FAM193A: variants seen among roughly 807,000 people sequenced by gnomAD.
FAM193A encodes the protein family with sequence similarity 193 member A.
In FAM193A, 22 loss-of-function variants were observed where a neutral mutation model predicts 126.5. That is an observed-to-expected ratio of 0.17 (90% confidence interval 0.12 to 0.25). The LOEUF (loss-of-function observed/expected upper bound fraction) is 0.25, where lower values mean the gene tolerates loss of function less well. Among genes scored for constraint, FAM193A ranks in the 10% least tolerant of loss-of-function variants. The pLI is 1.00. For missense variants in FAM193A, 1,675 were observed against 1,672.8 expected (o/e 1.00, Z -0.02); for synonymous variants, 761 against 646.8 (o/e 1.18, Z -2.68).
At chr4:2,591,250 A>G (rs1328721817) in intron 1 of FAM193A, among the ~76,000 whole-genome samples, 2 of 152,174 alleles carry the variant, frequency 1.3e-5, no homozygotes, top group Non-Finnish European at 2.9e-5. Context: ...AAAGCCACAT[A>G]GTTGGTTGGG....
chr4:2,718,688 C>T (rs761947792), intron 20 of FAM193A, among the ~76,000 whole-genome samples: 19 of 152,158 alleles, frequency 1.2e-4, no homozygotes, highest in Middle Eastern at 6.8e-3. Flanking sequence ...GATTGTGCAT[C>T]TACCCTCCAA....
chr4:2,540,063 A>T (rs1238232625), intron 1 of FAM193A, among the ~76,000 whole-genome samples: 1 of 151,362 alleles, frequency 6.6e-6, no homozygotes, highest in East Asian at 2.0e-4. Flanking sequence ...GGTTGCAGTG[A>T]GCTGAGATCT....
chr4:2,579,835 G>A (rs1317034744), intron 1 of FAM193A, among the ~76,000 whole-genome samples: 1 of 152,198 alleles, frequency 6.6e-6, no homozygotes, highest in Non-Finnish European at 1.5e-5. Flanking sequence ...TGGTGCGAGT[G>A]TAAATTAGTT....
chr4:2,642,643 A>T (rs1744750131), intron 6 of FAM193A, among the ~76,000 whole-genome samples: 1 of 152,094 alleles, frequency 6.6e-6, no homozygotes, highest in East Asian at 1.9e-4. Flanking sequence ...CTTAAAAAAA[A>T]ATATTTTACT....
chr4:2,705,464 CT>C (rs11403387), intron 19 of FAM193A, among the ~76,000 whole-genome samples: 7 of 149,688 alleles, frequency 4.7e-5, no homozygotes, highest in African/African-American at 1.7e-4. Flanking sequence ...TGTGTAGTTT[CT>C]TTTTTTTTCA....
At chr4:2,656,831 A>G (rs750838387) in intron 7 of FAM193A, among the ~76,000 whole-genome samples, 6 of 152,250 alleles carry the variant, frequency 3.9e-5, no homozygotes, top group African/African-American at 7.2e-5. Context: ...GATGTTACAA[A>G]GTATCAACTT....
intron 7 of FAM193A, chr4:2,655,170 C>T (rs775585084): frequency 1.5e-6 from 1 of 651,984 alleles, no homozygotes; most frequent in South Asian, 1.7e-5. Context: ...GCCATACAGA[C>T]TTTTGATACT....
chr4:2,590,134 CAAA>C (rs373845579), intron 1 of FAM193A, among the ~76,000 whole-genome samples: 8 of 106,524 alleles, frequency 7.5e-5, no homozygotes, highest in East Asian at 5.8e-4. Context: ...GACTCTGTCT[CAAA>C]AAAAAAAAAA....
At chr4:2,621,619 G>A (rs551468125) in intron 2 of FAM193A, among the ~76,000 whole-genome samples, 5 of 152,268 alleles carry the variant, frequency 3.3e-5, no homozygotes, top group Non-Finnish European at 7.3e-5. Context: ...TAGTACATAC[G>A]GAAATAGGTG....
intron 19 of FAM193A, among the ~76,000 whole-genome samples, chr4:2,707,271 C>G (rs1718416143): frequency 6.6e-6 from 1 of 152,168 alleles, no homozygotes; most frequent in South Asian, 2.1e-4. Flanking sequence ...ACTTTCAGGT[C>G]ATTCAGGAAT....
At chr4:2,691,296 G>T in intron 15 of FAM193A, among the ~76,000 whole-genome samples, 1 of 152,178 alleles carries the variant, frequency 6.6e-6, no homozygotes, top group South Asian at 2.1e-4. Context: ...GCTCATTACA[G>T]CCTCTGCCTC....
intron 1 of FAM193A, among the ~76,000 whole-genome samples, chr4:2,561,542 G>A (rs1252888828): frequency 1.3e-5 from 2 of 149,336 alleles, no homozygotes; most frequent in Non-Finnish European, 3.0e-5. Flanking sequence ...TGTCGCCCAG[G>A]CTGGAGTGCA....
chr4:2,731,208 A>AC (rs1721344038), intron 20 of FAM193A, among the ~76,000 whole-genome samples: 1 of 64,332 alleles, frequency 1.6e-5, no homozygotes, highest in African/African-American at 3.7e-5. Flanking sequence ...AAAAAAAAAA[A>AC]AAAAAAAAAA....
intron 5 of FAM193A, among the ~76,000 whole-genome samples, chr4:2,636,833 G>A (rs1744135003): frequency 1.3e-5 from 2 of 152,088 alleles, no homozygotes; most frequent in African/African-American, 4.8e-5. Flanking sequence ...TGCAAACTCT[G>A]CCAGCTAGTT....
At chr4:2,675,689 A>G (rs1714319997) in intron 13 of FAM193A, among the ~76,000 whole-genome samples, 1 of 152,230 alleles carries the variant, frequency 6.6e-6, no homozygotes. Context: ...TTTTAAGTGT[A>G]GAATTCAGTG....
intron 1 of FAM193A, among the ~76,000 whole-genome samples, chr4:2,575,160 G>A (rs758155519): frequency 3.9e-5 from 6 of 152,120 alleles, no homozygotes; most frequent in Non-Finnish European, 7.4e-5. Flanking sequence ...AGGTGGCCGC[G>A]ACACTTGCCA....
In FAM193A at chr4:2,537,181, G is replaced by T. The variant is rs1736930060; in HGVS notation, c.255+11G>T. 2 of 197,004 alleles carry T rather than the reference G, an allele frequency of 1.0e-5. No individual in the cohort carries two copies. Among genetic ancestry groups the T allele is most frequent in the Non-Finnish European group, 2.1e-5 (2 of 96,686 alleles). 12.2% of individuals were successfully genotyped at this position (197,004 alleles called of 1,614,324 possible). On this transcript the variant is annotated intron_variant, in intron 1 of 20. Transcript: ENST00000637812. ...GGAGGCTACTTCGAGGTAAGCGGCG[G>T]CAGCGGGCAGGGGTCGATGGCGGTA...
chr4:2,587,654 A>G (rs1740308481), intron 1 of FAM193A, among the ~76,000 whole-genome samples: 2 of 152,216 alleles, frequency 1.3e-5, no homozygotes, highest in Admixed American at 1.3e-4. Context: ...AGATCGTGCT[A>G]CTGCAGTCCA....
At chr4:2,637,836 T>C (rs1168004170) in intron 5 of FAM193A, among the ~76,000 whole-genome samples, 2 of 152,268 alleles carry the variant, frequency 1.3e-5, no homozygotes, top group Non-Finnish European at 2.9e-5. Context: ...GGACAGTGCC[T>C]GGCCATGCTA....
Sources: gnomAD v4.1 joint callset for allele counts (sites outside exome capture counted in the v4.1 genomes callset) on GRCh38, gnomAD v4.1.1 for gene constraint, MANE v1.5 for transcripts, NCBI Gene and HGNC (gene_info 2026-07-23, HGNC 2026-07-21) for gene names.